TOP1: variants seen among roughly 807,000 people sequenced by gnomAD.
The protein encoded by TOP1 is DNA topoisomerase 1.
In TOP1, 10 loss-of-function variants were observed where a neutral mutation model predicts 111.1. The ratio of observed to expected loss-of-function variants is 0.09; its 90% CI spans 0.06 to 0.15. The LOEUF (loss-of-function observed/expected upper bound fraction) is 0.15. TOP1 is among the 10% of genes least tolerant of loss of function. The pLI is 1.00. For missense variants in TOP1, 474 were observed against 926.7 expected, an observed-to-expected ratio of 0.51 and a Z score of 6.34; for synonymous variants, 271 against 302.9, an observed-to-expected ratio of 0.89 and a Z score of 1.10.
rs1007823827 is a variant in TOP1 at position 41,095,936 on chromosome 20, G to C, written c.731-1284G>C. Among the ~76,000 whole-genome samples the C allele has an allele frequency of 6.6e-6, 1 of 152,220 alleles. No homozygotes were observed. The highest frequency in any genetic ancestry group is 2.4e-5 in the African/African-American group (1 of 41,450). On this transcript the variant is annotated intron_variant, in intron 9 of 20. Transcript: ENST00000361337. The surrounding 1 kb of genome is among the most constrained non-coding windows in gnomAD (Gnocchi z 4.6). ...ACTGTCAAAAGCATTTGTTTGAAAAGTGGATTAAATTCCCAAGTACTTTTC... is the reference window on the plus strand; with the variant it reads ...ACTGTCAAAAGCATTTGTTTGAAAACTGGATTAAATTCCCAAGTACTTTTC...
Position 41,092,557 on chromosome 20 carries a change from C to T in TOP1, c.700C>T (p.Leu234Phe). The change falls in exon 9 of 21, where the codon CTT becomes TTT. Residue 234 changes from leucine to phenylalanine, a missense_variant. By Grantham distance (22) the Leu-to-Phe change is conservative. This residue lies in a region of TOP1 where 84 missense variants were observed against 119.2 expected (regional missense o/e 0.70). Transcript: ENST00000361337. This position sits in a 1 kb window ranked among gnomAD's most constrained non-coding sequence, Gnocchi z 4.3. The part of the protein sequence containing the change: ...GPVFAPPYEP[L>F]PENVKFYYDG... ...AGTATTTGCCCCACCATATGAGCCT[C>T]TTCCAGAGAATGTCAAGTTTTATTA... 6.3e-7 allele frequency: 1 copy of T among 1,591,988 alleles called. No homozygotes were observed. The highest frequency in any genetic ancestry group is 1.4e-5 in the African/African-American group (1 of 73,776).
chr20:41,074,606 C>T lies in TOP1; in HGVS notation c.156-1565C>T, dbSNP rs569069854. On this transcript the variant is annotated intron_variant, in intron 3 of 20. Coordinates refer to ENST00000361337, the MANE Select transcript of TOP1 (RefSeq NM_003286.4). ...GCCTATTCATCACTCAAGTACCTAT[C>T]TCAAGTTGTAGCTACTTTTGTGTGC... 9.2e-5 allele frequency among the ~76,000 whole-genome samples: 14 copies of T among 152,168 alleles called. No individual in the cohort carries two copies. The East Asian group carries it at 1.2e-3, about 13-fold the overall frequency.
chr20:41,085,978 A>C (rs2033842790), intron 8 of TOP1, among the ~76,000 whole-genome samples: 1 of 152,194 alleles, frequency 6.6e-6, no homozygotes, highest in Non-Finnish European at 1.5e-5. Flanking sequence ...TCAGAAAGTA[A>C]AAGGCCAGGC....
intron 2 of TOP1, among the ~76,000 whole-genome samples, chr20:41,038,039 T>C (rs1253189227): frequency 6.6e-6 from 1 of 152,232 alleles, no homozygotes; most frequent in Non-Finnish European, 1.5e-5. Flanking sequence ...TAATGCTCTG[T>C]AGCTCCATTG....
intron 3 of TOP1, among the ~76,000 whole-genome samples, chr20:41,065,757 A>G (rs1308916779): frequency 6.6e-6 from 1 of 152,166 alleles, no homozygotes; most frequent in Admixed American, 6.5e-5. Context: ...TTATGACTGA[A>G]TTATATTCCA....
At chr20:41,051,385 C>T (rs986953751) in intron 2 of TOP1, among the ~76,000 whole-genome samples, 1 of 152,150 alleles carries the variant, frequency 6.6e-6, no homozygotes, top group Non-Finnish European at 1.5e-5. Context: ...GACTCTTCTT[C>T]CTGCCCTGAT....
intron 3 of TOP1, among the ~76,000 whole-genome samples, chr20:41,074,158 A>G (rs2033698589): frequency 6.6e-6 from 1 of 152,206 alleles, no homozygotes; most frequent in South Asian, 2.1e-4. Flanking sequence ...AGAACAGATA[A>G]TAGGAGTGCT....
rs534994170 is a variant in TOP1, at chr20:41,102,745, G to A, written c.1308+1392G>A. On this transcript the variant is annotated intron_variant, in intron 13 of 20. Coordinates refer to ENST00000361337, the MANE Select transcript of TOP1 (RefSeq NM_003286.4). The surrounding 1 kb of genome is among the most constrained non-coding windows in gnomAD (Gnocchi z 4.0). Reference sequence around the variant, plus strand: ...ACATGTATTCCTCTTCTGAAGTATCGCAAAGCTGTATATATGGCTACAAAA... The same window carrying A: ...ACATGTATTCCTCTTCTGAAGTATCACAAAGCTGTATATATGGCTACAAAA... 1.2e-4 allele frequency among the ~76,000 whole-genome samples: 18 copies of A among 152,268 alleles called. No homozygotes were observed. In the South Asian group the frequency reaches 2.5e-3, roughly 21 times the overall value.
chr20:41,042,322 A>T (rs1199001669), intron 2 of TOP1, among the ~76,000 whole-genome samples: 8 of 152,212 alleles, frequency 5.3e-5, no homozygotes, highest in Non-Finnish European at 8.8e-5. Flanking sequence ...GCATTTACCA[A>T]ATAGCAGATA....
chr20:41,071,191 C>T lies in TOP1; in HGVS notation c.156-4980C>T, dbSNP rs2033664989. 6.6e-6 allele frequency among the ~76,000 whole-genome samples: 1 copy of T among 152,174 alleles called. No homozygotes were observed. Among genetic ancestry groups the T allele is most frequent in the Non-Finnish European group, 1.5e-5 (1 of 68,026 alleles). On this transcript the variant is annotated intron_variant, in intron 3 of 20. Transcript: ENST00000361337. The surrounding 1 kb of genome is among the most constrained non-coding windows in gnomAD (Gnocchi z 4.3). ...GACATTGTTCCCTACTGGCTCCCTA[C>T]TTCCACCGTTTCTCCCACTCTTCTA...
chr20:41,122,545 A>T lies in TOP1; in HGVS notation c.2195+390A>T, dbSNP rs780379876. Among the ~76,000 whole-genome samples, 2 of 152,226 alleles carry T rather than the reference A, an allele frequency of 1.3e-5. No homozygotes were observed. Among genetic ancestry groups the T allele is most frequent in the African/African-American group, 2.4e-5 (1 of 41,464 alleles). ...TTTTTTTGCAGTTGAAGGTAGGAAC[A>T]AGAGATAAAGATGAGAATACAGATC... On this transcript the variant is annotated intron_variant, in intron 20 of 20. Coordinates refer to ENST00000361337, the MANE Select transcript of TOP1 (RefSeq NM_003286.4). This position sits in a 1 kb window ranked among gnomAD's most constrained non-coding sequence, Gnocchi z 5.4.
In TOP1 at chr20:41,114,775, T is replaced by C. The variant is rs1244970688; in HGVS notation, c.1639-596T>C. Among the ~76,000 whole-genome samples, 1 of 152,196 alleles carries C rather than the reference T, an allele frequency of 6.6e-6. No individual in the cohort carries two copies. Among genetic ancestry groups the C allele is most frequent in the African/African-American group, 2.4e-5 (1 of 41,434 alleles). On this transcript the variant is annotated intron_variant, in intron 15 of 20. Transcript: ENST00000361337. The surrounding 1 kb of genome is among the most constrained non-coding windows in gnomAD (Gnocchi z 4.5). ...CTATAGCTCTGTAGTCCCAACCTAATCTTTTCCATAGTATTGGGCTTGAAC... is the reference window on the plus strand; with the variant it reads ...CTATAGCTCTGTAGTCCCAACCTAACCTTTTCCATAGTATTGGGCTTGAAC...
rs1396352930 is a variant in TOP1 at position 41,097,375 on chromosome 20, T to C, written c.852+34T>C. ...GCCCATGTGTTAATATCCTAGTACC[T>C]TGCAAAACAATCAAGTACTAAGTAA... is the stretch of plus-strand genomic sequence containing the variant. On this transcript the variant is annotated intron_variant, in intron 10 of 20. Coordinates refer to ENST00000361337, the MANE Select transcript of TOP1 (RefSeq NM_003286.4). The surrounding 1 kb of genome is among the most constrained non-coding windows in gnomAD (Gnocchi z 4.2). The C allele has an allele frequency of 3.2e-6, 5 of 1,565,736 alleles. No homozygotes were observed. In the Admixed American group the frequency reaches 6.2e-5, roughly 19 times the overall value.
At chr20:41,066,547 C>G (rs1191972399) in intron 3 of TOP1, among the ~76,000 whole-genome samples, 1 of 139,460 alleles carries the variant, frequency 7.2e-6, no homozygotes, top group Non-Finnish European at 1.5e-5. Context: ...TTTTGTGCCT[C>G]TTTTCTTTTC....
chr20:41,076,029 A>G (rs907005015), intron 3 of TOP1, 142 bp from the exon 4 acceptor site: 31 of 748,036 alleles, frequency 4.1e-5, no homozygotes, highest in Non-Finnish European at 6.4e-5. Flanking sequence ...TGTAGCCAAG[A>G]CCCTCTACTT....
intron 2 of TOP1, among the ~76,000 whole-genome samples, chr20:41,053,465 T>C (rs970576011): frequency 1.8e-4 from 27 of 152,094 alleles, no homozygotes; most frequent in South Asian, 2.1e-4. Flanking sequence ...AGACTTTTTT[T>C]CCCCCAAAAT....
At chr20:41,113,879 CAAAAAAAAA>C (rs552197714) in intron 14 of TOP1, 82 bp from the exon 15 acceptor site, 5 of 658,398 alleles carry the variant, frequency 7.6e-6, no homozygotes, top group East Asian at 3.5e-5. Flanking sequence ...GAGACTGTCT[CAAAAAAAAA>C]AAAAAAAAAA....
chr20:41,088,522 A>AAATG (rs1491299004), intron 8 of TOP1, among the ~76,000 whole-genome samples: 1 of 152,104 alleles, frequency 6.6e-6, no homozygotes, highest in African/African-American at 2.4e-5. Flanking sequence ...ATAAATAAAT[A>AAATG]AAAACACTGT....
intron 2 of TOP1, among the ~76,000 whole-genome samples, chr20:41,059,409 AAAAT>A (rs55866021): frequency 0.097 from 13,394 of 137,990 alleles, 963 homozygotes; most frequent in East Asian, 0.41. Context: ...AAACTGCTAG[AAAAT>A]AAATAAATAA....
Sources: gnomAD v4.1 joint callset for allele counts (sites outside exome capture counted in the v4.1 genomes callset) on GRCh38, gnomAD v4.1.1 for gene constraint, gnomAD v4.1.1 regional missense constraint, Gnocchi (gnomAD v3.1) non-coding constraint, MANE v1.5 for transcripts, NCBI Gene and HGNC (gene_info 2026-07-23, HGNC 2026-07-21) for gene names.